TNFAIP8: variants seen among roughly 807,000 people sequenced by gnomAD.
TNFAIP8 encodes tumor necrosis factor alpha-induced protein 8.
Under a neutral mutation model 13.3 loss-of-function variants are expected in TNFAIP8, and 7 were observed. The ratio of observed to expected loss-of-function variants is 0.52; its 90% CI spans 0.30 to 0.99. The LOEUF (loss-of-function observed/expected upper bound fraction) is 0.99. Ranked by LOEUF, TNFAIP8 falls within the 50% of genes least tolerant of loss-of-function variation. The pLI, the probability that TNFAIP8 is intolerant of heterozygous loss-of-function variation, is 0.07. For synonymous variants in TNFAIP8, 94 were observed against 87.6 expected (o/e 1.07, Z -0.41); for missense variants, 258 against 236.9 (o/e 1.09, Z -0.58).
intron 1 of TNFAIP8, among the ~76,000 whole-genome samples, chr5:119,269,357 A>G (rs980854738): frequency 2.0e-5 from 3 of 152,082 alleles, no homozygotes; most frequent in African/African-American, 4.8e-5. Context: ...TTGTAATCCA[A>G]CCTTGCATTG....
At chr5:119,377,142 C>A (rs1752314236) in intron 1 of TNFAIP8, among the ~76,000 whole-genome samples, 2 of 152,146 alleles carry the variant, frequency 1.3e-5, no homozygotes, top group Non-Finnish European at 1.5e-5. Context: ...GGTGGCTCAT[C>A]CAGTAATCCA....
At chr5:119,387,586 TA>T (rs1341195230) in intron 1 of TNFAIP8, among the ~76,000 whole-genome samples, 1 of 152,240 alleles carries the variant, frequency 6.6e-6, no homozygotes, top group African/African-American at 2.4e-5. Context: ...TTAATTTTCA[TA>T]AAACTAAGTA....
intron 1 of TNFAIP8, among the ~76,000 whole-genome samples, chr5:119,374,233 C>A (rs1323711030): frequency 6.6e-6 from 1 of 151,968 alleles, no homozygotes; most frequent in African/African-American, 2.4e-5. Context: ...ATTATACTTA[C>A]TGGTTGAGCA....
intron 1 of TNFAIP8, among the ~76,000 whole-genome samples, chr5:119,385,998 T>C (rs2112851234): frequency 6.6e-6 from 1 of 152,306 alleles, no homozygotes; most frequent in East Asian, 1.9e-4. Context: ...CCCTGAGCAG[T>C]GTGGCAGTTC....
intron 1 of TNFAIP8, among the ~76,000 whole-genome samples, chr5:119,338,707 C>T (rs1358111702): frequency 6.6e-6 from 1 of 152,156 alleles, no homozygotes; most frequent in Non-Finnish European, 1.5e-5. Context: ...ATGTTACATC[C>T]GTTGTGGCTT....
At chr5:119,377,664 A>G (rs1752333792) in intron 1 of TNFAIP8, among the ~76,000 whole-genome samples, 1 of 152,162 alleles carries the variant, frequency 6.6e-6, no homozygotes, top group Non-Finnish European at 1.5e-5. Flanking sequence ...GTGTTATGAA[A>G]ACAAATCATG....
At chr5:119,325,717 G>T (rs985842587) in intron 1 of TNFAIP8, among the ~76,000 whole-genome samples, 10 of 152,034 alleles carry the variant, frequency 6.6e-5, no homozygotes, top group Admixed American at 2.0e-4. Flanking sequence ...CATAGTGCTG[G>T]GATTACAGGC....
At chr5:119,340,118 G>C (rs976578215) in intron 1 of TNFAIP8, among the ~76,000 whole-genome samples, 2 of 152,234 alleles carry the variant, frequency 1.3e-5, no homozygotes, top group African/African-American at 4.8e-5. Flanking sequence ...TGGTAAGTCA[G>C]TTGGAGCAGA....
chr5:119,342,998 A>T (rs1750790629), intron 1 of TNFAIP8, among the ~76,000 whole-genome samples: 1 of 152,232 alleles, frequency 6.6e-6, no homozygotes, highest in Admixed American at 6.5e-5. Flanking sequence ...AAAGTTTCCA[A>T]TCCGAGGATG....
intron 1 of TNFAIP8, among the ~76,000 whole-genome samples, chr5:119,328,953 C>T (rs1185342853): frequency 6.6e-6 from 1 of 152,222 alleles, no homozygotes; most frequent in Non-Finnish European, 1.5e-5. Context: ...TTGCAGCCAG[C>T]ACTCGGTGTT....
chr5:119,360,988 T>C (rs544537186), intron 1 of TNFAIP8, among the ~76,000 whole-genome samples: 1 of 152,258 alleles, frequency 6.6e-6, no homozygotes, highest in African/African-American at 2.4e-5. Flanking sequence ...TTTCATTCCT[T>C]TGAGAATATC....
At chr5:119,353,712 G>T (rs1453354291), upstream of TNFAIP8, among the ~76,000 whole-genome samples, 1 of 142,572 alleles carries the variant, frequency 7.0e-6, no homozygotes, top group Non-Finnish European at 1.6e-5. Flanking sequence ...GCACATTAAA[G>T]GACATGTATT....
intron 1 of TNFAIP8, among the ~76,000 whole-genome samples, chr5:119,281,306 A>ACACACACACACACACACACTCT: frequency 6.7e-4 from 77 of 114,214 alleles, no homozygotes; most frequent in South Asian, 6.3e-3. Context: ...ACACACACAC[A>ACACACACACACACACACACTCT]CTCTCTCTCT....
chr5:119,286,667 CAG>C (rs1748808537), intron 1 of TNFAIP8, among the ~76,000 whole-genome samples: 1 of 150,748 alleles, frequency 6.6e-6, no homozygotes, highest in East Asian at 2.0e-4. Flanking sequence ...GCAGAGCAGA[CAG>C]GGTATGGGCC....
intron 1 of TNFAIP8, among the ~76,000 whole-genome samples, chr5:119,384,057 T>C (rs1317874516): frequency 1.3e-5 from 2 of 152,220 alleles, no homozygotes; most frequent in Non-Finnish European, 2.9e-5. Flanking sequence ...GTTGGACATA[T>C]CTGAGTTCAA....
intron 1 of TNFAIP8, among the ~76,000 whole-genome samples, chr5:119,301,309 A>G (rs1749383805): frequency 1.3e-5 from 2 of 151,958 alleles, no homozygotes; most frequent in Non-Finnish European, 1.5e-5. Context: ...ATATTCCACA[A>G]TTCTTACCCC....
intron 1 of TNFAIP8, among the ~76,000 whole-genome samples, chr5:119,392,532 A>G (rs1231394580): frequency 2.0e-5 from 3 of 152,074 alleles, no homozygotes; most frequent in Non-Finnish European, 4.4e-5. Context: ...CTGGGATTAT[A>G]GGTGCCCACC....
chr5:119,283,725 G>A (rs561980122), intron 1 of TNFAIP8, among the ~76,000 whole-genome samples: 147 of 152,242 alleles, frequency 9.7e-4, no homozygotes, highest in African/African-American at 3.3e-3. Context: ...CTGTGGCTGG[G>A]CCTGTGGGAG....
chr5:119,307,679 T>C (rs912723074), intron 1 of TNFAIP8, among the ~76,000 whole-genome samples: 1 of 152,246 alleles, frequency 6.6e-6, no homozygotes, highest in South Asian at 2.1e-4. Context: ...CTACAGTCTT[T>C]TCCCCAAAAA....
Sources: allele counts gnomAD v4.1 joint callset (sites outside exome capture counted in the v4.1 genomes callset), GRCh38; gene constraint gnomAD v4.1.1; transcripts MANE v1.5; gene names NCBI Gene and HGNC (gene_info 2026-07-23, HGNC 2026-07-21).